The following NBPF20 variants were observed in gnomAD, a reference collection of about 807,000 sequenced individuals.
NBPF20 encodes the protein NBPF member 20, also known as NBPF family member NBPF20.
In NBPF20, 90 loss-of-function variants were observed where a neutral mutation model predicts 68.1. The observed-to-expected ratio is 1.32, with a 90% confidence interval of 1.11 to 1.58. NBPF20 has a LOEUF of 1.58. Among genes scored for constraint, NBPF20 ranks in the 40% most tolerant of loss-of-function variants. The pLI, the probability that NBPF20 is intolerant of heterozygous loss-of-function variation, is 0.00. For missense variants in NBPF20, 816 were observed against 601.2 expected, an observed-to-expected ratio of 1.36 and a Z score of -3.74; for synonymous variants, 290 against 228.1, an observed-to-expected ratio of 1.27 and a Z score of -2.45.
intron 9 of NBPF20, among the ~76,000 whole-genome samples, chr1:145,393,496 G>A (rs587683046): frequency 8.3e-4 from 125 of 150,516 alleles, no homozygotes; most frequent in African/African-American, 1.5e-3. Flanking sequence ...CACACAGAGC[G>A]AGCTCAGTGA....
At chr1:145,394,581 A>T (rs1337792427) in intron 8 of NBPF20, among the ~76,000 whole-genome samples, 2 of 152,012 alleles carry the variant, frequency 1.3e-5, no homozygotes, top group South Asian at 2.1e-4. Context: ...GCGGGTAAAG[A>T]ACCACACAGA....
intron 112 of NBPF20, among the ~76,000 whole-genome samples, chr1:145,311,902 G>C (rs1471390822): frequency 8.9e-6 from 1 of 112,536 alleles, no homozygotes; most frequent in East Asian, 2.2e-4. Flanking sequence ...AAATCTACAA[G>C]ATCTACAAAA....
intron 7 of NBPF20, among the ~76,000 whole-genome samples, chr1:145,398,438 C>G (rs1223461537): frequency 6.6e-6 from 1 of 152,070 alleles, no homozygotes; most frequent in Non-Finnish European, 1.5e-5. Context: ...CAAAACCGCA[C>G]AACTACATGG....
At chr1:145,291,708 A>G (rs1421052189) in exon 138 of NBPF20, 1 of 1,611,950 alleles carries the variant, frequency 6.2e-7, no homozygotes. Flanking sequence ...GTAGAATAAC[A>G]TCCATCCAGT....
At chr1:145,292,597 A>C in intron 136 of NBPF20, 108 bp from the exon 142 acceptor site, 3 of 747,732 alleles carry the variant, frequency 4.0e-6, no homozygotes, top group Non-Finnish European at 7.2e-6. Context: ...CAGCATAAGA[A>C]TAGGACACTT....
exon 138 of NBPF20, chr1:145,291,109 A>C: frequency 3.5e-6 from 1 of 285,812 alleles, no homozygotes; most frequent in South Asian, 4.2e-5. Context: ...GCCAACACTG[A>C]AGACACAAAG....
rs1207773072 is a variant in NBPF20 at position 145,393,981 on chromosome 1, C to T, written c.992-46G>A. The T allele has an allele frequency of 4.2e-5, 41 of 984,986 alleles. 1 individual carries two copies. Among genetic ancestry groups the T allele is most frequent in the South Asian group, 4.1e-4 (32 of 78,884 alleles). 61.0% of individuals were successfully genotyped at this position (984,986 alleles called of 1,614,324 possible). A position where few individuals can be genotyped will look rare whatever the true frequency, so the allele number is the denominator to read the frequency against. On this transcript the variant is annotated intron_variant, in intron 8 of 137. Coordinates refer to ENST00000369373, the Ensembl canonical transcript of NBPF20. The stretch of plus-strand genomic sequence containing the variant: ...GCCCTCTTACATTAAGCAGTTCTTC[C>T]TTGCACACAGAAACATTCCTCTGTC...
upstream of NBPF20, among the ~76,000 whole-genome samples, chr1:145,410,229 T>TG (rs1403291255): frequency 6.6e-6 from 1 of 151,998 alleles, no homozygotes; most frequent in Non-Finnish European, 1.5e-5. Context: ...GGATATGTAC[T>TG]GGTATCTCAT....
intron 109 of NBPF20, among the ~76,000 whole-genome samples, chr1:145,314,229 C>CACACAG (rs1661515828): frequency 1.4e-5 from 2 of 140,858 alleles, no homozygotes; most frequent in African/African-American, 5.9e-5. Context: ...CACACACACA[C>CACACAG]ACACACACAC....
intron 9 of NBPF20, among the ~76,000 whole-genome samples, 200 bp from the exon 15 acceptor site, chr1:145,393,446 C>G (rs1429244367): frequency 7.5e-6 from 1 of 133,210 alleles, no homozygotes; most frequent in African/African-American, 2.8e-5. Flanking sequence ...CACACACTCA[C>G]ACACACACAC....
intron 2 of NBPF20, among the ~76,000 whole-genome samples, chr1:145,404,589 G>C (rs1158803575): frequency 6.6e-6 from 1 of 152,118 alleles, no homozygotes; most frequent in Non-Finnish European, 1.5e-5. Context: ...GTCACTTATA[G>C]ATAGCACAGG....
At chr1:145,408,215 C>T (rs199716971), upstream of NBPF20, 12 of 174,448 alleles carry the variant, frequency 6.9e-5, no homozygotes, top group South Asian at 1.7e-3. Context: ...CACAGCTTTG[C>T]CTGCCTTTCC....
exon 138 of NBPF20, chr1:145,291,494 G>A (rs782494121): frequency 1.8e-5 from 29 of 1,611,912 alleles, no homozygotes; most frequent in Non-Finnish European, 2.5e-5. Flanking sequence ...CCTGCCTGCA[G>A]GAATGACATC....
chr1:145,424,941 A>AC, the NBPF20 span, among the ~76,000 whole-genome samples: 2 of 151,894 alleles, frequency 1.3e-5, no homozygotes, highest in African/African-American at 4.8e-5. Flanking sequence ...GCCAATAAAG[A>AC]CCCCAACTTT....
chr1:145,393,384 C>G (rs1228307734), intron 9 of NBPF20, 138 bp from the exon 15 acceptor site: 5 of 711,098 alleles, frequency 7.0e-6, no homozygotes, highest in Non-Finnish European at 1.3e-5. Flanking sequence ...GAAATTATTG[C>G]CTTTATGTTG....
upstream of NBPF20, among the ~76,000 whole-genome samples, chr1:145,407,318 C>T (rs1156416390): frequency 2.8e-5 from 4 of 143,758 alleles, no homozygotes; most frequent in East Asian, 8.2e-4. Flanking sequence ...AGGAGAAATA[C>T]CTAATGTAAA....
chr1:145,393,558 G>A (rs1368733170), intron 9 of NBPF20, among the ~76,000 whole-genome samples: 1 of 151,882 alleles, frequency 6.6e-6, no homozygotes, highest in Non-Finnish European at 1.5e-5. Context: ...CTGTATTTGT[G>A]CTCTCAGGAC....
chr1:145,407,412 T>C (rs1467950009), upstream of NBPF20, among the ~76,000 whole-genome samples: 1 of 146,792 alleles, frequency 6.8e-6, no homozygotes, highest in African/African-American at 2.5e-5. Flanking sequence ...ATTATACACA[T>C]ATATACATGT....
the NBPF20 span, among the ~76,000 whole-genome samples, chr1:145,422,965 G>T: frequency 7.3e-6 from 1 of 137,442 alleles, no homozygotes; most frequent in Non-Finnish European, 1.6e-5. Context: ...TCTAGCCTGG[G>T]CAATAGAGTG....
Sources: gnomAD v4.1 joint callset for allele counts (sites outside exome capture counted in the v4.1 genomes callset) on GRCh38, gnomAD v4.1.1 for gene constraint, MANE v1.5 for transcripts, NCBI Gene and HGNC (gene_info 2026-07-23, HGNC 2026-07-21) for gene names.